RALYL: variants seen among roughly 807,000 people sequenced by gnomAD.
RALYL encodes RALY RNA binding protein like, also known as RNA-binding Raly-like protein.
Under a neutral mutation model 35.1 loss-of-function variants are expected in RALYL, and 29 were observed. The observed-to-expected ratio is 0.83, with a 90% CI of 0.61 to 1.13. The LOEUF is 1.13. RALYL is among the 50% of genes most tolerant of loss of function. The pLI, the probability that RALYL is intolerant of heterozygous loss-of-function variation, is 0.00. For synonymous variants in RALYL, 120 were observed against 127.6 expected, an observed-to-expected ratio of 0.94 and a Z score of 0.40; for missense variants, 359 against 360.4, an observed-to-expected ratio of 1.00 and a Z score of 0.03.
At chr8:84,755,185 A>T (rs1329089827) in intron 2 of RALYL, among the ~76,000 whole-genome samples, 2 of 152,184 alleles carry the variant, frequency 1.3e-5, no homozygotes, top group East Asian at 3.9e-4. Context: ...GAGTGGATAG[A>T]TGAGAAAATA....
At chr8:84,799,454 G>T (rs1822688372) in intron 3 of RALYL, among the ~76,000 whole-genome samples, 1 of 152,160 alleles carries the variant, frequency 6.6e-6, no homozygotes, top group African/African-American at 2.4e-5. Context: ...AGAGATTAAT[G>T]GATCATATAA....
intron 1 of RALYL, among the ~76,000 whole-genome samples, chr8:84,342,182 C>G (rs1024723591): frequency 4.1e-5 from 6 of 146,738 alleles, no homozygotes; most frequent in Non-Finnish European, 7.5e-5. Context: ...ATAAAAAGGA[C>G]AAAAAGAGCA....
intron 1 of RALYL, among the ~76,000 whole-genome samples, chr8:84,306,939 A>T (rs1289716858): frequency 6.6e-6 from 1 of 152,164 alleles, no homozygotes; most frequent in East Asian, 1.9e-4. Flanking sequence ...ATTATATGGC[A>T]TGGGCTTAAC....
In RALYL at chr8:84,289,316, T is replaced by C. The variant is rs992018967; in HGVS notation, c.-24+104892T>C. Reference sequence around the variant, plus strand: ...ATAAGGGCATAGGAAAAATTTACTATTGCAAGTTTTTTAAAGTAAAGAAAA... The same window carrying C: ...ATAAGGGCATAGGAAAAATTTACTACTGCAAGTTTTTTAAAGTAAAGAAAA... On this transcript the variant is annotated intron_variant, in intron 1 of 8. Transcript: ENST00000521268. 3.9e-5 allele frequency among the ~76,000 whole-genome samples: 6 copies of C among 152,158 alleles called. No individual in the cohort carries two copies. The East Asian group carries it at 1.2e-3, about 29-fold the overall frequency.
chr8:84,758,729 G>A (rs1812011396), intron 2 of RALYL, among the ~76,000 whole-genome samples: 1 of 152,082 alleles, frequency 6.6e-6, no homozygotes, highest in Non-Finnish European at 1.5e-5. Flanking sequence ...CCTAATCTAG[G>A]AAGTGACATC....
At chr8:84,647,762 T>C (rs1827805049) in intron 2 of RALYL, among the ~76,000 whole-genome samples, 1 of 152,076 alleles carries the variant, frequency 6.6e-6, no homozygotes, top group Admixed American at 6.6e-5. Flanking sequence ...CAGTATGTTA[T>C]GGTGATCATT....
intron 2 of RALYL, among the ~76,000 whole-genome samples, chr8:84,642,786 G>C (rs1826651056): frequency 6.6e-6 from 1 of 152,170 alleles, no homozygotes; most frequent in South Asian, 2.1e-4. Flanking sequence ...TTTTACAGAA[G>C]AGAGGATGAA....
intron 1 of RALYL, chr8:84,185,094 C>CTGTTG: frequency 6.7e-7 from 1 of 1,491,244 alleles, no homozygotes; most frequent in Admixed American, 1.7e-5. Flanking sequence ...TTTTTTTTCC[C>CTGTTG]TGTTGTGTTG....
At chr8:84,410,536 A>G (rs568339959) in intron 1 of RALYL, among the ~76,000 whole-genome samples, 1 of 152,000 alleles carries the variant, frequency 6.6e-6, no homozygotes, top group African/African-American at 2.4e-5. Flanking sequence ...TAATTTTTGG[A>G]TAATTTTTTC....
At chr8:84,421,943 G>A (rs966494959) in intron 1 of RALYL, among the ~76,000 whole-genome samples, 16 of 151,642 alleles carry the variant, frequency 1.1e-4, no homozygotes, top group South Asian at 4.2e-4. Context: ...TGCTGGATTC[G>A]GTTTGCCAGT....
chr8:84,432,147 G>T (rs1175203025), intron 1 of RALYL, among the ~76,000 whole-genome samples: 1 of 152,120 alleles, frequency 6.6e-6, no homozygotes, highest in Non-Finnish European at 1.5e-5. Context: ...GTGGTAGCAT[G>T]ATTCATAATA....
At chr8:84,657,438 G>T (rs1043348002) in intron 2 of RALYL, among the ~76,000 whole-genome samples, 50 of 152,176 alleles carry the variant, frequency 3.3e-4, no homozygotes, top group Non-Finnish European at 1.5e-4. Flanking sequence ...AACTGGTTAT[G>T]GTTTTTTAGA....
intron 1 of RALYL, among the ~76,000 whole-genome samples, chr8:84,203,989 A>ATG (rs199843088): frequency 2.0e-5 from 3 of 151,594 alleles, no homozygotes; most frequent in African/African-American, 7.3e-5. Context: ...CTTTAAATGT[A>ATG]TGTGTGTGTG....
At chr8:84,895,339 C>CAA (rs375792626) in intron 8 of RALYL, among the ~76,000 whole-genome samples, 21 of 105,270 alleles carry the variant, frequency 2.0e-4, no homozygotes, top group African/African-American at 5.8e-4. Context: ...TGCACTATGA[C>CAA]AAAAAAAAAA....
rs558915055 is a variant in RALYL at position 84,865,910 on chromosome 8, A to G, written c.571+3457A>G. The stretch of plus-strand genomic sequence containing the variant: ...AATTAAAGACAATTCAATTAAAGTT[A>G]AAATTGAGAATTTATCCCCAATGCT... On this transcript the variant is annotated intron_variant, in intron 6 of 8. Transcript: ENST00000521268. 3.3e-5 allele frequency among the ~76,000 whole-genome samples: 5 copies of G among 152,334 alleles called. No homozygotes were observed. In the South Asian group the frequency reaches 1.0e-3, roughly 32 times the overall value.
At chr8:84,628,983 C>T (rs979094259) in intron 2 of RALYL, among the ~76,000 whole-genome samples, 1 of 151,958 alleles carries the variant, frequency 6.6e-6, no homozygotes, top group African/African-American at 2.4e-5. Flanking sequence ...TTATAGACAT[C>T]TCAACTATCT....
chr8:84,843,287 A>G (rs1171727082), intron 4 of RALYL, among the ~76,000 whole-genome samples: 2 of 152,192 alleles, frequency 1.3e-5, no homozygotes, highest in Non-Finnish European at 2.9e-5. Context: ...TACAAAATCA[A>G]TGTACAAAAA....
Position 84,797,436 on chromosome 8 carries a change from G to A in RALYL, c.333-7334G>A, listed in dbSNP as rs111645950. ...ATACTGTTGTCAAAATTCCATGTGT[G>A]AGAGAGCTTGGCAGAGTCCCTGGCA... On this transcript the variant is annotated intron_variant, in intron 3 of 8. Coordinates refer to ENST00000521268, the MANE Select transcript of RALYL (RefSeq NM_173848.7). 8.4e-3 allele frequency among the ~76,000 whole-genome samples: 1,281 copies of A among 152,326 alleles called. 17 individuals carry two copies. The highest frequency in any genetic ancestry group is 0.035 in the Admixed American group (531 of 15,310).
intron 1 of RALYL, among the ~76,000 whole-genome samples, chr8:84,276,186 A>T (rs943475543): frequency 3.9e-5 from 6 of 152,120 alleles, no homozygotes; most frequent in Non-Finnish European, 8.8e-5. Context: ...TGAAAAGAAG[A>T]GCTTTGGAGA....
Sources: gnomAD v4.1 joint callset for allele counts (sites outside exome capture counted in the v4.1 genomes callset) on GRCh38, gnomAD v4.1.1 for gene constraint, MANE v1.5 for transcripts, NCBI Gene and HGNC (gene_info 2026-07-23, HGNC 2026-07-21) for gene names.